Variants in COPZ2 observed in about 807,000 individuals in gnomAD.
The protein encoded by COPZ2 is coatomer subunit zeta-2.
A neutral mutation model predicts 33.2 loss-of-function variants in COPZ2; 30 were observed. That is an observed-to-expected ratio of 0.90 (90% confidence interval 0.68 to 1.23). The LOEUF (loss-of-function observed/expected upper bound fraction) is 1.23. COPZ2 is among the 50% of genes most tolerant of loss of function. COPZ2 has a pLI of 0.00. For synonymous variants in COPZ2, 89 were observed against 102.6 expected, an observed-to-expected ratio of 0.87 and a Z score of 0.80; for missense variants, 263 against 262.4, an observed-to-expected ratio of 1.00 and a Z score of -0.02.
At chr17:48,031,361 A>G (rs2036891771) in intron 6 of COPZ2, among the ~76,000 whole-genome samples, 1 of 151,684 alleles carries the variant, frequency 6.6e-6, no homozygotes, top group African/African-American at 2.4e-5. Context: ...CTGAAGCAGG[A>G]GAATGGTGTG....
chr17:48,046,286 T>C, the COPZ2 span: 1 of 152,272 alleles, frequency 6.6e-6, no homozygotes, highest in Non-Finnish European at 1.5e-5. Context: ...TTAAACACTG[T>C]AGTTGAGCCT....
chr17:48,043,478 G>A, the COPZ2 span: 1 of 973,350 alleles, frequency 1.0e-6, no homozygotes, highest in Non-Finnish European at 1.2e-6. Context: ...AGAGGGGGAG[G>A]TGTGTGTGGA....
upstream of COPZ2, among the ~76,000 whole-genome samples, chr17:48,040,165 AG>A (rs2144322225): frequency 7.7e-6 from 1 of 129,906 alleles, no homozygotes; most frequent in South Asian, 2.5e-4. Context: ...AACAACTCCC[AG>A]GATCAAGCCA....
intron 8 of COPZ2, among the ~76,000 whole-genome samples, 164 bp from the exon 9 acceptor site, chr17:48,026,639 C>A (rs946252748): frequency 3.3e-5 from 5 of 152,212 alleles, no homozygotes; most frequent in Admixed American, 6.5e-5. Flanking sequence ...GCCAACCCTC[C>A]AAGTCAGAAA....
At position 48,037,700 on chromosome 17, in the gene COPZ2, C is replaced by G; in HGVS notation, c.78G>C (p.Pro26=). 9.3e-7 allele frequency: 1 copy of G among 1,069,718 alleles called. No homozygotes were observed. Among genetic ancestry groups the G allele is most frequent in the Non-Finnish European group, 1.1e-6 (1 of 887,658 alleles). The allele number at this position is 1,069,718 out of a possible 1,614,324, so 66.3% of individuals were successfully genotyped here. A position where few individuals can be genotyped will look rare whatever the true frequency, so the allele number is the denominator to read the frequency against. ...AAAAQAGGPA[P]PARAGEPSGL... is the part of the protein sequence containing the mutation. ...CCGAGGGCTCCCCGGCTCGAGCAGG[C>G]GGCGCCGGGCCCCCGGCCTGGGCCG... Residue 26 remains proline, a synonymous_variant, in exon 1 of 9, where the codon CCG becomes CCC. Transcript: ENST00000621465. The surrounding 1 kb of genome is among the most constrained non-coding windows in gnomAD (Gnocchi z 5.6).
At chr17:48,039,408 G>A (rs2037038570), upstream of COPZ2, among the ~76,000 whole-genome samples, 1 of 151,522 alleles carries the variant, frequency 6.6e-6, no homozygotes, top group Admixed American at 6.6e-5. Context: ...GGGGTTCAAG[G>A]CTGCAGAGCC....
At chr17:48,044,747 G>A in the COPZ2 span, among the ~76,000 whole-genome samples, 1 of 152,112 alleles carries the variant, frequency 6.6e-6, no homozygotes, top group South Asian at 2.1e-4. Flanking sequence ...ATATAAGAGA[G>A]AGGGCCATAT....
chr17:48,047,609 C>T, the COPZ2 span: 2 of 152,238 alleles, frequency 1.3e-5, no homozygotes, highest in South Asian at 2.1e-4. Context: ...TGACAAAAAT[C>T]GCCATTACCC....
rs2036991745 is a variant in COPZ2, at chr17:48,036,895, C to T, written c.142G>A (p.Ala48Thr). The change falls in exon 2 of 9, where the codon GCT becomes ACT. Residue 48 changes from alanine to threonine, a missense_variant. Physicochemically the swap from Ala to Thr is moderately conservative, Grantham distance 58. Coordinates refer to ENST00000621465, the MANE Select transcript of COPZ2 (RefSeq NM_016429.4). ...CCGTCATTATCTAGGATGAAAACAG[C>T]CTTGATGGTGTAGAGGGAAGGTTCC... ...LQEPSLYTIKAVFILDNDGRR... is the reference protein window; with the variant it reads ...LQEPSLYTIKTVFILDNDGRR... 7 of 1,613,968 alleles carry T rather than the reference C, an allele frequency of 4.3e-6. No individual in the cohort carries two copies. The highest frequency in any genetic ancestry group is 5.9e-6 in the Non-Finnish European group (7 of 1,179,884).
upstream of COPZ2, among the ~76,000 whole-genome samples, chr17:48,042,501 G>A (rs1048616062): frequency 6.6e-5 from 10 of 151,462 alleles, no homozygotes; most frequent in Non-Finnish European, 1.2e-4. Context: ...TCACTCTGTC[G>A]CCCAGGCTGG....
chr17:48,037,198 C>A lies in COPZ2; in HGVS notation c.112-273G>T. 1.4e-6 allele frequency: 1 copy of A among 689,728 alleles called. No individual in the cohort carries two copies. The highest frequency in any genetic ancestry group is 2.7e-6 in the Non-Finnish European group (1 of 364,308). 42.7% of individuals were successfully genotyped at this position (689,728 alleles called of 1,614,324 possible). A position where few individuals can be genotyped will look rare whatever the true frequency, so the allele number is the denominator to read the frequency against. ...CCCAAGTTCTGTCATGCACTGACTG[C>A]TCCAGAGCCCGAGTCGGAGTGTATC... On this transcript the variant is annotated intron_variant, in intron 1 of 8. Transcript: ENST00000621465. This position sits in a 1 kb window ranked among gnomAD's most constrained non-coding sequence, Gnocchi z 5.6.
intron 4 of COPZ2, 40 bp downstream of exon 4, chr17:48,033,171 T>C (rs764947412): frequency 1.5e-6 from 2 of 1,356,294 alleles, no homozygotes; most frequent in South Asian, 1.2e-5. Flanking sequence ...CATTTCCCCA[T>C]AGACAGACCC....
chr17:48,030,142 C>G (rs1053451223), intron 6 of COPZ2, among the ~76,000 whole-genome samples: 3 of 151,072 alleles, frequency 2.0e-5, no homozygotes, highest in African/African-American at 7.3e-5. Flanking sequence ...AAAAAATTAG[C>G]CGGTAATGGT....
chr17:48,040,474 C>G (rs1022855846), upstream of COPZ2, among the ~76,000 whole-genome samples: 7 of 149,640 alleles, frequency 4.7e-5, no homozygotes, highest in Non-Finnish European at 1.5e-5. Flanking sequence ...TGCTCCGTCA[C>G]CAGGCTGGAG....
At chr17:48,041,616 A>T (rs2037063141), upstream of COPZ2, among the ~76,000 whole-genome samples, 1 of 152,224 alleles carries the variant, frequency 6.6e-6, no homozygotes, top group Non-Finnish European at 1.5e-5. Flanking sequence ...GCAGGCTATC[A>T]GTTATAATAG....
rs148231322 is a variant in COPZ2, at chr17:48,027,077, C to T, written c.586-602G>A. 8.5e-5 allele frequency among the ~76,000 whole-genome samples: 13 copies of T among 152,342 alleles called. No individual in the cohort carries two copies. The East Asian group carries it at 2.5e-3, about 29-fold the overall frequency. Reference sequence around the variant, plus strand: ...AGGTGTGTCCCTCAGATTGTCCCTCCAGCCACTCAGCCTTATTCCCCTCTA... The same window carrying T: ...AGGTGTGTCCCTCAGATTGTCCCTCTAGCCACTCAGCCTTATTCCCCTCTA... On this transcript the variant is annotated intron_variant, in intron 8 of 8. Transcript: ENST00000621465.
chr17:48,044,293 G>A, the COPZ2 span, among the ~76,000 whole-genome samples: 1 of 151,846 alleles, frequency 6.6e-6, no homozygotes, highest in Non-Finnish European at 1.5e-5. Context: ...GTTGCAGTGA[G>A]CTGAGATGGT....
At chr17:48,033,055 A>G in intron 4 of COPZ2, 156 bp downstream of exon 4, 1 of 616,806 alleles carries the variant, frequency 1.6e-6, no homozygotes, top group South Asian at 1.9e-5. Context: ...ACATTGTCCC[A>G]GAAAGAACCC....
chr17:48,037,453 G>A lies in COPZ2; in HGVS notation c.111+214C>T, dbSNP rs1277469796. Among the ~76,000 whole-genome samples the A allele has an allele frequency of 1.3e-5, 2 of 152,222 alleles. No homozygotes were observed. The highest frequency in any genetic ancestry group is 2.9e-5 in the Non-Finnish European group (2 of 68,030). ...GCCACCCCCACTCCAAACGGACCCA[G>A]AACTTCAGCCCCGCGCCGACGGACT... On this transcript the variant is annotated intron_variant, in intron 1 of 8. Transcript: ENST00000621465. The surrounding 1 kb of genome is among the most constrained non-coding windows in gnomAD (Gnocchi z 5.6).
Sources: allele counts gnomAD v4.1 joint callset (sites outside exome capture counted in the v4.1 genomes callset), GRCh38; gene constraint gnomAD v4.1.1; non-coding constraint Gnocchi (gnomAD v3.1); transcripts MANE v1.5; gene names NCBI Gene and HGNC (gene_info 2026-07-23, HGNC 2026-07-21).